Variants in BMERB1 observed in about 807,000 individuals in gnomAD.
The protein encoded by BMERB1 is bMERB domain-containing protein 1.
Under a neutral mutation model 23.6 loss-of-function variants are expected in BMERB1, and 12 were observed. The observed-to-expected ratio is 0.51, with a 90% CI of 0.33 to 0.82. The LOEUF (loss-of-function observed/expected upper bound fraction) is 0.82, where lower values mean the gene tolerates loss of function less well. Ranked by LOEUF, BMERB1 falls within the 40% of genes least tolerant of loss-of-function variation. The pLI is 0.03. For missense variants in BMERB1, 247 were observed against 255.4 expected (o/e 0.97, Z 0.22); for synonymous variants, 122 against 96.6 (o/e 1.26, Z -1.54).
chr16:15,574,549 CT>C (rs1273824657), intron 3 of BMERB1, among the ~76,000 whole-genome samples: 38 of 151,998 alleles, frequency 2.5e-4, no homozygotes, highest in Non-Finnish European at 4.4e-5. Flanking sequence ...GGTCAGATCT[CT>C]TTCACTGTCT....
intron 1 of BMERB1, among the ~76,000 whole-genome samples, chr16:15,508,085 C>T (rs2051614301): frequency 6.6e-6 from 1 of 152,156 alleles, no homozygotes; most frequent in African/African-American, 2.4e-5. Flanking sequence ...TTTTAAATCT[C>T]ACCTCCATCA....
At chr16:15,552,383 T>C (rs2030117342) in intron 2 of BMERB1, among the ~76,000 whole-genome samples, 1 of 151,520 alleles carries the variant, frequency 6.6e-6, no homozygotes, top group Non-Finnish European at 1.5e-5. Context: ...GAGGTTGCAG[T>C]GAGCTGAGAT....
intron 1 of BMERB1, among the ~76,000 whole-genome samples, chr16:15,462,861 G>C (rs2051147586): frequency 6.6e-6 from 1 of 152,104 alleles, no homozygotes; most frequent in African/African-American, 2.4e-5. Context: ...GGAGACATGT[G>C]CTGGACTTAC....
chr16:15,443,786 G>C (rs924902527), intron 1 of BMERB1, among the ~76,000 whole-genome samples: 1 of 151,976 alleles, frequency 6.6e-6, no homozygotes, highest in Non-Finnish European at 1.5e-5. Flanking sequence ...AGATGTGGTG[G>C]TGCACACCTG....
chr16:15,441,028 G>A (rs1338792513), intron 1 of BMERB1, among the ~76,000 whole-genome samples: 1 of 152,164 alleles, frequency 6.6e-6, no homozygotes, highest in Non-Finnish European at 1.5e-5. Context: ...TAGAGGAAGA[G>A]ACAGAAGGCC....
chr16:15,489,987 C>T (rs927440750), intron 1 of BMERB1, among the ~76,000 whole-genome samples: 1 of 152,110 alleles, frequency 6.6e-6, no homozygotes, highest in Non-Finnish European at 1.5e-5. Flanking sequence ...CTGCCTCAGC[C>T]TTCCGAGTAG....
chr16:15,520,450 T>C (rs1308384939), intron 2 of BMERB1, among the ~76,000 whole-genome samples: 1 of 151,170 alleles, frequency 6.6e-6, no homozygotes, highest in African/African-American at 2.4e-5. Flanking sequence ...CCATTGAAAC[T>C]GACCCAATAG....
intron 2 of BMERB1, among the ~76,000 whole-genome samples, chr16:15,543,685 G>A (rs1036854273): frequency 6.6e-6 from 1 of 151,162 alleles, no homozygotes; most frequent in African/African-American, 2.5e-5. Context: ...GCTGGGCATG[G>A]TAGTGTGTAC....
At chr16:15,446,916 G>A (rs1356668194) in intron 1 of BMERB1, among the ~76,000 whole-genome samples, 3 of 152,104 alleles carry the variant, frequency 2.0e-5, no homozygotes, top group African/African-American at 4.8e-5. Flanking sequence ...TTGAAGACTT[G>A]TAGCTTCACA....
intron 2 of BMERB1, among the ~76,000 whole-genome samples, chr16:15,564,318 A>G (rs996074177): frequency 6.6e-6 from 1 of 152,216 alleles, no homozygotes; most frequent in Admixed American, 6.5e-5. Flanking sequence ...GTGTGTATCT[A>G]TAAAATGCAT....
At chr16:15,457,602 C>G (rs1375947612) in intron 1 of BMERB1, among the ~76,000 whole-genome samples, 1 of 152,202 alleles carries the variant, frequency 6.6e-6, no homozygotes, top group East Asian at 1.9e-4. Context: ...CAGCCAGGAC[C>G]TTTGATCCAC....
chr16:15,554,720 G>T (rs560214924), intron 2 of BMERB1, among the ~76,000 whole-genome samples: 1 of 149,144 alleles, frequency 6.7e-6, no homozygotes, highest in Non-Finnish European at 1.5e-5. Context: ...ATGCTGCAGT[G>T]CAGTGGCATG....
intron 2 of BMERB1, among the ~76,000 whole-genome samples, chr16:15,516,462 A>T (rs2051757873): frequency 6.6e-6 from 1 of 152,158 alleles, no homozygotes. Flanking sequence ...AAAAACATCA[A>T]ATTAAAATGA....
chr16:15,435,730 T>C (rs181635214), intron 1 of BMERB1, among the ~76,000 whole-genome samples: 1 of 152,350 alleles, frequency 6.6e-6, no homozygotes, highest in East Asian at 1.9e-4. Flanking sequence ...TGTGATCTTA[T>C]TCTGTCCTCA....
intron 2 of BMERB1, among the ~76,000 whole-genome samples, chr16:15,518,001 ATGTG>A (rs535099257): frequency 2.1e-5 from 3 of 144,534 alleles, no homozygotes; most frequent in South Asian, 2.3e-4. Context: ...GCATGTGTGG[ATGTG>A]TGTGTGGGTG....
At chr16:15,581,580 C>T (rs917789846) in intron 4 of BMERB1, among the ~76,000 whole-genome samples, 1 of 152,214 alleles carries the variant, frequency 6.6e-6, no homozygotes, top group Non-Finnish European at 1.5e-5. Context: ...AGGGAGGAGT[C>T]ACATCCCATA....
intron 1 of BMERB1, among the ~76,000 whole-genome samples, chr16:15,462,334 A>G (rs2051143258): frequency 6.6e-6 from 1 of 151,506 alleles, no homozygotes; most frequent in African/African-American, 2.4e-5. Context: ...TTGTATTTTT[A>G]GTAGGGACAG....
At chr16:15,485,099 A>G (rs368515148) in intron 1 of BMERB1, among the ~76,000 whole-genome samples, 30 of 152,314 alleles carry the variant, frequency 2.0e-4, no homozygotes, top group African/African-American at 5.8e-4. Context: ...AGAAGTTTCA[A>G]TGGAAGTCAT....
At chr16:15,557,000 C>T (rs1451993493) in intron 2 of BMERB1, among the ~76,000 whole-genome samples, 2 of 152,166 alleles carry the variant, frequency 1.3e-5, no homozygotes, top group African/African-American at 4.8e-5. Flanking sequence ...TGAAAACCTA[C>T]CTCTGCCTTT....
Sources: allele counts gnomAD v4.1 joint callset (sites outside exome capture counted in the v4.1 genomes callset), GRCh38; gene constraint gnomAD v4.1.1; transcripts MANE v1.5; gene names NCBI Gene and HGNC (gene_info 2026-07-23, HGNC 2026-07-21).